The following CBFA2T2 variants were observed in gnomAD, a reference collection of about 807,000 sequenced individuals.
The protein encoded by CBFA2T2 is CBFA2/RUNX1 partner transcriptional co-repressor 2.
In CBFA2T2, 11 loss-of-function variants were observed where a neutral mutation model predicts 62.2. That is an observed-to-expected ratio of 0.18 (90% CI 0.11 to 0.29). The LOEUF (loss-of-function observed/expected upper bound fraction) is 0.29. Among genes scored for constraint, CBFA2T2 ranks in the 10% least tolerant of loss-of-function variants. The pLI, the probability that CBFA2T2 is intolerant of heterozygous loss-of-function variation, is 1.00. For missense variants in CBFA2T2, 592 were observed against 774.1 expected (o/e 0.76, Z 2.79); for synonymous variants, 295 against 287.5 (o/e 1.03, Z -0.27).
chr20:33,596,868 C>T (rs2014912699), intron 1 of CBFA2T2, among the ~76,000 whole-genome samples: 2 of 151,588 alleles, frequency 1.3e-5, no homozygotes, highest in South Asian at 4.2e-4. Context: ...ATGGTAACTT[C>T]ATCCTTCCAG....
chr20:33,510,577 A>G (rs781017856), intron 1 of CBFA2T2, among the ~76,000 whole-genome samples: 2 of 152,172 alleles, frequency 1.3e-5, no homozygotes, highest in Non-Finnish European at 2.9e-5. Flanking sequence ...GCTATTGTGA[A>G]TAGTGCCGCA....
chr20:33,573,443 A>G (rs1177632183), intron 1 of CBFA2T2, among the ~76,000 whole-genome samples: 1 of 151,672 alleles, frequency 6.6e-6, no homozygotes, highest in East Asian at 1.9e-4. Flanking sequence ...TATGTGACAC[A>G]TTGTTTCTCA....
At chr20:33,596,843 C>G (rs2014911287) in intron 1 of CBFA2T2, among the ~76,000 whole-genome samples, 1 of 152,010 alleles carries the variant, frequency 6.6e-6, no homozygotes, top group South Asian at 2.1e-4. Flanking sequence ...TTTACCAGTT[C>G]CTCCTTCTTA....
In CBFA2T2 at chr20:33,559,175, T is replaced by TC. The variant is rs532808892; in HGVS notation, c.35-47781_35-47780insC. On this transcript the variant is annotated intron_variant, in intron 1 of 10. Coordinates refer to ENST00000342704, the MANE Select transcript of CBFA2T2 (RefSeq NM_001032999.3). ...TTGCAGCTTCTTTTTTTCCTTTCTT[T>TC]TTTTTTTTTTTTTTTTTTCTGAGAT... Among the ~76,000 whole-genome samples, 20 of 135,836 alleles carry TC rather than the reference T, an allele frequency of 1.5e-4. No individual in the cohort carries two copies. In the East Asian group the frequency reaches 3.4e-3, roughly 23 times the overall value. The allele number at this position is 135,836 out of a possible 152,430, so 89.1% of individuals were successfully genotyped here.
At position 33,517,715 on chromosome 20, in the gene CBFA2T2, A is replaced by T. The variant is rs140781164; in HGVS notation, c.34+27414A>T. ...TTTTTTTTTTTTTTTGAAGACGGAG[A>T]CTTGCTTGCAACCTCCGCCTCCCGG... On this transcript the variant is annotated intron_variant, in intron 1 of 10. Coordinates refer to ENST00000342704, the MANE Select transcript of CBFA2T2 (RefSeq NM_001032999.3). Among the ~76,000 whole-genome samples the T allele has an allele frequency of 5.6e-3, 819 of 146,824 alleles. 5 individuals are homozygous for T. The highest frequency in any genetic ancestry group is 0.019 in the African/African-American group (764 of 39,572).
intron 1 of CBFA2T2, among the ~76,000 whole-genome samples, chr20:33,570,104 C>T (rs1365940455): frequency 6.6e-6 from 1 of 152,124 alleles, no homozygotes; most frequent in African/African-American, 2.4e-5. Context: ...AATGGTGAAG[C>T]CCCATCTTTA....
In CBFA2T2 at chr20:33,649,256, G is replaced by A. The variant is rs1290627360; in HGVS notation, c.*4610G>A. ...AGCGGAGCATGGACTGTTCCAGCAC[G>A]GGCCAGATGGCCAGCTGTCGAGAGC... On this transcript the variant is annotated 3_prime_UTR_variant, in exon 11 of 11. Coordinates refer to ENST00000342704, the MANE Select transcript of CBFA2T2 (RefSeq NM_001032999.3). The A allele has an allele frequency of 1.2e-4, 19 of 152,450 alleles. No individual in the cohort carries two copies. Among genetic ancestry groups the A allele is most frequent in the Non-Finnish European group, 5.9e-5 (4 of 68,050 alleles). The allele number at this position is 152,450 out of a possible 1,614,324, so 9.4% of individuals were successfully genotyped here.
intron 1 of CBFA2T2, among the ~76,000 whole-genome samples, chr20:33,550,022 C>G (rs2012694927): frequency 2.0e-5 from 3 of 152,098 alleles, no homozygotes. Flanking sequence ...CAATAAATAC[C>G]TGTCTTATAG....
rs183140812 is a variant in CBFA2T2, at chr20:33,509,127, A to C, written c.34+18826A>C. ...CACACCTGTAATCCCAGCACTTTGGAAGGCTGAGGTGGGCAGATCATCTGA... is the reference window on the plus strand; with the variant it reads ...CACACCTGTAATCCCAGCACTTTGGCAGGCTGAGGTGGGCAGATCATCTGA... On this transcript the variant is annotated intron_variant, in intron 1 of 10. Coordinates refer to ENST00000342704, the MANE Select transcript of CBFA2T2 (RefSeq NM_001032999.3). Among the ~76,000 whole-genome samples the C allele has an allele frequency of 3.7e-3, 557 of 151,102 alleles. 4 individuals are homozygous for C. Among genetic ancestry groups the C allele is most frequent in the African/African-American group, 0.013 (535 of 41,178 alleles).
chr20:33,561,845 G>A (rs1276243472), intron 1 of CBFA2T2, among the ~76,000 whole-genome samples: 1 of 152,064 alleles, frequency 6.6e-6, no homozygotes, highest in Non-Finnish European at 1.5e-5. Flanking sequence ...TTTTAATCAC[G>A]TGCCAGTTTT....
chr20:33,554,459 G>A (rs1448322131), intron 1 of CBFA2T2, among the ~76,000 whole-genome samples: 2 of 151,526 alleles, frequency 1.3e-5, no homozygotes, highest in Non-Finnish European at 2.9e-5. Flanking sequence ...ATGTTGACCA[G>A]GCTGTTCTCG....
chr20:33,624,718 A>T, intron 5 of CBFA2T2, 46 bp from the exon 6 acceptor site: 1 of 1,600,752 alleles, frequency 6.2e-7, no homozygotes, highest in South Asian at 1.1e-5. Flanking sequence ...TGTCTGCATG[A>T]ACACTTGTTG....
At chr20:33,606,841 A>T (rs142447450) in intron 1 of CBFA2T2, 115 bp from the exon 2 acceptor site, 8 of 935,632 alleles carry the variant, frequency 8.6e-6, no homozygotes, top group Non-Finnish European at 1.3e-5. Flanking sequence ...GGGGGTCACT[A>T]TTCAGCCTAT....
intron 6 of CBFA2T2, among the ~76,000 whole-genome samples, chr20:33,625,589 T>A (rs79206777): frequency 0.028 from 4,257 of 152,320 alleles, 186 homozygotes; most frequent in African/African-American, 0.097. Flanking sequence ...TTTGAAGATA[T>A]GTGAGAATTC....
At chr20:33,522,384 G>T (rs1301106413) in intron 1 of CBFA2T2, among the ~76,000 whole-genome samples, 1 of 151,982 alleles carries the variant, frequency 6.6e-6, no homozygotes, top group African/African-American at 2.4e-5. Context: ...TTTAATGTAG[G>T]GAGCAACCAC....
In CBFA2T2 at chr20:33,617,426, G is replaced by A. The variant is rs548920573; in HGVS notation, c.421-2091G>A. Among the ~76,000 whole-genome samples the A allele has an allele frequency of 1.2e-4, 18 of 152,286 alleles. No homozygotes were observed. In the South Asian group the frequency reaches 2.1e-3, roughly 18 times the overall value. On this transcript the variant is annotated intron_variant, in intron 3 of 10. Transcript: ENST00000342704. ...AAGGTTTTATAAACTAGCTGAAGGA[G>A]GAAGGTGTTTATCCCTCTCATACAG...
At chr20:33,508,018 A>G (rs900333883) in intron 1 of CBFA2T2, among the ~76,000 whole-genome samples, 6 of 152,114 alleles carry the variant, frequency 3.9e-5, no homozygotes, top group African/African-American at 1.4e-4. Context: ...GTAGTTATGT[A>G]TTATTGAAGT....
chr20:33,549,405 C>CA (rs2012670433), intron 1 of CBFA2T2, among the ~76,000 whole-genome samples: 1 of 152,094 alleles, frequency 6.6e-6, no homozygotes, highest in South Asian at 2.1e-4. Context: ...GTGTATTCAT[C>CA]AGTAGAATAC....
intron 8 of CBFA2T2, 121 bp from the exon 9 acceptor site, chr20:33,636,518 AT>A (rs940511252): frequency 3.5e-5 from 24 of 692,766 alleles, no homozygotes; most frequent in Middle Eastern, 3.9e-4. Context: ...TTATATGAGA[AT>A]TTTTTTATAC....
Sources: allele counts gnomAD v4.1 joint callset (sites outside exome capture counted in the v4.1 genomes callset), GRCh38; gene constraint gnomAD v4.1.1; transcripts MANE v1.5; gene names NCBI Gene and HGNC (gene_info 2026-07-23, HGNC 2026-07-21).